The following RNF17 variants were observed in gnomAD, a reference collection of about 807,000 sequenced individuals.
RNF17 encodes the protein ring finger protein 17, also known as spermatogenesis associated 23.
RNF17 carries 31 observed loss-of-function variants against 200.5 expected under a neutral mutation model. That is an observed-to-expected ratio of 0.15 (90% CI 0.12 to 0.21). The LOEUF is 0.21. Ranked by LOEUF, RNF17 falls within the 10% of genes least tolerant of loss-of-function variation. The pLI is 1.00. For synonymous variants in RNF17, 606 were observed against 637.8 expected, an observed-to-expected ratio of 0.95 and a Z score of 0.75; for missense variants, 1,628 against 1,905.1, an observed-to-expected ratio of 0.85 and a Z score of 2.71.
chr13:24,882,839 G>A (rs1953899665), downstream of RNF17: 1 of 328,108 alleles, frequency 3.0e-6, no homozygotes, highest in South Asian at 2.8e-5. Context: ...ATGTGTCTGT[G>A]GGACATCTAG....
chr13:24,796,403 A>G (rs539022016), intron 11 of RNF17, 108 bp downstream of exon 11: 3 of 639,328 alleles, frequency 4.7e-6, no homozygotes, highest in South Asian at 3.7e-5. Context: ...CTCTAAGTTC[A>G]TTTGTAGTAA....
At chr13:24,839,571 T>C (rs1593395252) in intron 18 of RNF17, among the ~76,000 whole-genome samples, 2 of 151,842 alleles carry the variant, frequency 1.3e-5, no homozygotes, top group East Asian at 3.9e-4. Context: ...AACCCAGAAA[T>C]AAACCCAAAT....
intron 3 of RNF17, among the ~76,000 whole-genome samples, chr13:24,777,418 A>G (rs535598026): frequency 4.6e-5 from 7 of 152,348 alleles, no homozygotes; most frequent in African/African-American, 1.7e-4. Context: ...CTTTAATTCC[A>G]GCACTTTGGG....
intron 9 of RNF17, among the ~76,000 whole-genome samples, chr13:24,791,603 A>G (rs1255827435): frequency 6.6e-6 from 1 of 152,148 alleles, no homozygotes; most frequent in Admixed American, 6.6e-5. Flanking sequence ...AACCACCAAA[A>G]GAGAAATAAG....
chr13:24,853,952 A>G lies in RNF17; in HGVS notation c.3418A>G (p.Asn1140Asp), dbSNP rs145780589. 1.2e-5 allele frequency: 20 copies of G among 1,614,140 alleles called. No homozygotes were observed. The African/African-American group carries it at 2.3e-4, about 18-fold the overall frequency. Reference protein sequence around the residue: ...DSVVTNCIKTNFDPDKKTADI... With the variant: ...DSVVTNCIKTDFDPDKKTADI... ...AGTAGTTACTAACTGTATTAAAACTAACTTTGACCCTGACAAGAAAACTGC... is the reference window on the plus strand; with the variant it reads ...AGTAGTTACTAACTGTATTAAAACTGACTTTGACCCTGACAAGAAAACTGC... Residue 1140 changes from asparagine to aspartate, a missense_variant, in exon 25 of 36, where the codon AAC becomes GAC. Physicochemically the swap from Asn to Asp is conservative, Grantham distance 23. This residue lies in a region of RNF17 where 609 missense variants were observed against 681.9 expected (regional missense o/e 0.89). Transcript: ENST00000255324.
At chr13:24,880,963 G>A (rs1277962984), downstream of RNF17, among the ~76,000 whole-genome samples, 3 of 152,076 alleles carry the variant, frequency 2.0e-5, no homozygotes, top group Non-Finnish European at 2.9e-5. Flanking sequence ...TGACCATTCC[G>A]TCACTTGTTT....
At chr13:24,858,079 A>C (rs940982958) in intron 25 of RNF17, among the ~76,000 whole-genome samples, 6 of 152,274 alleles carry the variant, frequency 3.9e-5, no homozygotes, top group African/African-American at 1.4e-4. Context: ...AGAATAGTCG[A>C]TAACTCTAGC....
chr13:24,859,275 T>G, intron 26 of RNF17, 111 bp downstream of exon 26: 1 of 798,224 alleles, frequency 1.3e-6, no homozygotes. Context: ...TGATGAAAAT[T>G]GTGTAGGAAG....
intron 15 of RNF17, among the ~76,000 whole-genome samples, chr13:24,812,760 C>A (rs2137841914): frequency 6.8e-6 from 1 of 147,004 alleles, no homozygotes; most frequent in South Asian, 2.1e-4. Context: ...TGGCTCACTG[C>A]AAGCTCTGCC....
Position 24,868,668 on chromosome 13 carries a change from A to T in RNF17, c.4230A>T (p.Pro1410=). 6.2e-7 allele frequency: 1 copy of T among 1,608,938 alleles called. No individual in the cohort carries two copies. The highest frequency in any genetic ancestry group is 8.5e-7 in the Non-Finnish European group (1 of 1,175,422). Residue 1410 remains proline, a synonymous_variant, in exon 31 of 36, where the codon CCA becomes CCT. Transcript: ENST00000255324. ...ATTTGTCTTCATCTCTGCCTTCCCC[A>T]GGAGAACTCTATGCTGTTCAAGTTA... ...PPYLSSSLPS[P]GELYAVQVKH... is the part of the protein sequence containing the mutation.
intron 1 of RNF17, among the ~76,000 whole-genome samples, chr13:24,766,426 ATGT>A (rs1474399803): frequency 1.3e-5 from 2 of 152,242 alleles, no homozygotes; most frequent in Non-Finnish European, 2.9e-5. Flanking sequence ...TTTAATCATG[ATGT>A]TAGGTTTTCA....
At chr13:24,771,986 A>T (rs1220235587) in intron 2 of RNF17, among the ~76,000 whole-genome samples, 1 of 152,184 alleles carries the variant, frequency 6.6e-6, no homozygotes, top group Non-Finnish European at 1.5e-5. Flanking sequence ...CCTGGGCAAC[A>T]AGAGCGAAAC....
chr13:24,872,579 G>A (rs994005063), intron 32 of RNF17, among the ~76,000 whole-genome samples: 2 of 151,990 alleles, frequency 1.3e-5, no homozygotes, highest in African/African-American at 4.8e-5. Flanking sequence ...TACCGTGTTA[G>A]GAATACAAAC....
chr13:24,860,671 C>T lies in RNF17; in HGVS notation c.3775-597C>T, dbSNP rs190720516. Among the ~76,000 whole-genome samples, 572 of 151,908 alleles carry T rather than the reference C, an allele frequency of 3.8e-3. 2 individuals are homozygous for T. The highest frequency in any genetic ancestry group is 0.02 in the Middle Eastern group (6 of 294). ...TAAGACAATTTAGAAATTGAATTAT[C>T]AAAATTAAAGCATTTCAAAAAGGGA... On this transcript the variant is annotated intron_variant, in intron 26 of 35. Coordinates refer to ENST00000255324, the MANE Select transcript of RNF17 (RefSeq NM_031277.3).
intron 25 of RNF17, among the ~76,000 whole-genome samples, chr13:24,855,115 G>A (rs535880286): frequency 2.6e-5 from 4 of 152,016 alleles, no homozygotes; most frequent in South Asian, 2.1e-4. Context: ...CAAACTGTTC[G>A]AGATTTGTCC....
At chr13:24,836,811 G>GGAAA (rs1890044371) in intron 18 of RNF17, among the ~76,000 whole-genome samples, 1 of 5,198 alleles carries the variant, frequency 1.9e-4, no homozygotes. Context: ...AAGTTAAAAA[G>GGAAA]CAAAAACAAA....
Position 24,840,708 on chromosome 13 carries a change from G to A in RNF17, c.2483-1333G>A, listed in dbSNP as rs192946385. On this transcript the variant is annotated intron_variant, in intron 18 of 35. Transcript: ENST00000255324. ...TATGTGGGAGCTAAGCTATGAGGAC[G>A]CAAAGGAATGGACTTTAGGAACTTG... is the stretch of plus-strand genomic sequence containing the variant. 6.3e-4 allele frequency among the ~76,000 whole-genome samples: 96 copies of A among 151,700 alleles called. 1 individual carries two copies. The East Asian group carries it at 0.015, about 24-fold the overall frequency.
rs113376362 is a variant in RNF17 at position 24,781,946 on chromosome 13, T to C, written c.611+2T>C. 7 of 1,567,800 alleles carry C rather than the reference T, an allele frequency of 4.5e-6. No individual in the cohort carries two copies. Among genetic ancestry groups the C allele is most frequent in the South Asian group, 1.1e-5 (1 of 88,676 alleles). On this transcript the variant is annotated splice_donor_variant, in intron 6 of 35. Coordinates refer to ENST00000255324, the MANE Select transcript of RNF17 (RefSeq NM_031277.3). LOFTEE classifies it high-confidence loss of function. ...ACTTTTGGCTTTTTTTGATTCCAGG[T>C]TAGTAACTTAAAAATATGGACTCAA...
intron 29 of RNF17, 30 bp downstream of exon 29, chr13:24,865,028 A>AT: frequency 6.8e-7 from 1 of 1,467,974 alleles, no homozygotes; most frequent in Non-Finnish European, 9.2e-7. Context: ...ATAAAAATCT[A>AT]AAGTGTAGAA....
Sources: allele counts gnomAD v4.1 joint callset (sites outside exome capture counted in the v4.1 genomes callset), GRCh38; gene constraint gnomAD v4.1.1; regional missense constraint gnomAD v4.1.1; transcripts MANE v1.5; gene names NCBI Gene and HGNC (gene_info 2026-07-23, HGNC 2026-07-21).